GLI2: variants seen among roughly 807,000 people sequenced by gnomAD.
The protein encoded by GLI2 is transcription activator GLI2.
Under a neutral mutation model 78.9 loss-of-function variants are expected in GLI2, and 22 were observed. The ratio of observed to expected loss-of-function variants is 0.28; its 90% CI spans 0.20 to 0.40. The LOEUF (loss-of-function observed/expected upper bound fraction) is 0.40. GLI2 is among the 10% of genes least tolerant of loss of function. The pLI is 1.00. For missense variants in GLI2, 2,097 were observed against 2,213.2 expected (o/e 0.95, Z 1.05); for synonymous variants, 974 against 963.7 (o/e 1.01, Z -0.20).
chr2:120,988,295 G>A lies in GLI2; in HGVS notation c.2330G>A (p.Ser777Asn). 1.3e-6 allele frequency: 2 copies of A among 1,565,370 alleles called. No homozygotes were observed. Among genetic ancestry groups the A allele is most frequent in the Non-Finnish European group, 1.7e-6 (2 of 1,160,952 alleles). The change falls in exon 14 of 14, where the codon AGC (serine) becomes AAC (asparagine). Residue 777 changes from serine (S) to asparagine (N), a missense_variant. Coordinates refer to ENST00000361492, the MANE Select transcript of GLI2 (RefSeq NM_001374353.1). ...CCGCGGCTGTCGGAGCTGTCCGCGA[G>A]CGAGGTGACCATGCTGAGCCAGCTG... ...PNPRLSELSASEVTMLSQLQE... is the reference protein window; with the variant it reads ...PNPRLSELSANEVTMLSQLQE...
chr2:120,788,581 G>A (rs1199507133), intron 1 of GLI2, among the ~76,000 whole-genome samples: 3 of 152,240 alleles, frequency 2.0e-5, no homozygotes, highest in African/African-American at 7.2e-5. Context: ...CCCTGGAGGG[G>A]CCTGCATTTC....
rs547815590 is a variant in GLI2, at chr2:120,978,776, A to G, written c.1467+193A>G. On this transcript the variant is annotated intron_variant, in intron 10 of 13. Transcript: ENST00000361492. ...GAGGCCCCTCGCCTCGTGCCGTCCC[A>G]GACCTTGATGGACTTGCTCTCTGGG... Among the ~76,000 whole-genome samples, 427 of 152,256 alleles carry G rather than the reference A, an allele frequency of 2.8e-3. 2 individuals are homozygous for G. The highest frequency in any genetic ancestry group is 5.3e-3 in the Non-Finnish European group (359 of 68,004).
intron 2 of GLI2, among the ~76,000 whole-genome samples, chr2:120,840,724 G>T (rs1429734140): frequency 2.0e-5 from 3 of 152,218 alleles, no homozygotes; most frequent in Admixed American, 6.5e-5. Flanking sequence ...CAAGCATCTT[G>T]GTGTGTCCCT....
intron 2 of GLI2, among the ~76,000 whole-genome samples, chr2:120,818,216 C>T (rs569088546): frequency 6.6e-6 from 1 of 152,358 alleles, no homozygotes; most frequent in East Asian, 1.9e-4. Flanking sequence ...AGTGCCTCTT[C>T]CAAGCCTGCA....
intron 2 of GLI2, among the ~76,000 whole-genome samples, chr2:120,899,558 C>G (rs1327871305): frequency 1.3e-5 from 2 of 152,122 alleles, no homozygotes; most frequent in African/African-American, 4.8e-5. Context: ...TTGTCTGGGT[C>G]GAAAAGGTCT....
rs961397275 is a variant in GLI2, at chr2:120,946,201, C to T, written c.255-5042C>T. On this transcript the variant is annotated intron_variant, in intron 3 of 13. Coordinates refer to ENST00000361492, the MANE Select transcript of GLI2 (RefSeq NM_001374353.1). ...TAATTACCTGATTTCATGGGTCTGC[C>T]TCTTTCCCCCTGGGCTCTGAGCTGC... Among the ~76,000 whole-genome samples the T allele has an allele frequency of 1.1e-4, 16 of 152,316 alleles. No homozygotes were observed. In the East Asian group the frequency reaches 1.7e-3, roughly 17 times the overall value.
At chr2:120,968,569 C>T (rs902532642) in intron 5 of GLI2, 145 bp from the exon 6 acceptor site, 46 of 709,982 alleles carry the variant, frequency 6.5e-5, no homozygotes, top group South Asian at 4.4e-4. Context: ...TGACATCCTT[C>T]GCCCAAGAGC....
chr2:120,844,454 G>A (rs931220349), intron 2 of GLI2, among the ~76,000 whole-genome samples: 4 of 152,188 alleles, frequency 2.6e-5, no homozygotes, highest in South Asian at 2.1e-4. Flanking sequence ...GGTGGGGCTT[G>A]GAGGGTCTCC....
At chr2:120,964,994 T>A (rs1573689939) in intron 5 of GLI2, among the ~76,000 whole-genome samples, 1 of 152,388 alleles carries the variant, frequency 6.6e-6, no homozygotes, top group Non-Finnish European at 1.5e-5. Context: ...TCTGGTTTGC[T>A]TGGAGGATGG....
At chr2:120,939,340 A>G (rs973083504) in intron 3 of GLI2, among the ~76,000 whole-genome samples, 1 of 151,924 alleles carries the variant, frequency 6.6e-6, no homozygotes, top group African/African-American at 2.4e-5. Context: ...TGACATATAC[A>G]CCCTTATCCC....
intron 9 of GLI2, 49 bp from the exon 10 acceptor site, chr2:120,978,385 G>A (rs774326851): frequency 2.5e-6 from 4 of 1,609,660 alleles, no homozygotes; most frequent in East Asian, 2.2e-5. Flanking sequence ...GGGGTGGTCT[G>A]TGGGCCTCTG....
At chr2:120,839,498 T>G (rs1271362650) in intron 2 of GLI2, among the ~76,000 whole-genome samples, 1 of 152,184 alleles carries the variant, frequency 6.6e-6, no homozygotes, top group Non-Finnish European at 1.5e-5. Flanking sequence ...ATATCCCCTT[T>G]TTCATTCTCT....
chr2:120,975,162 C>A, intron 9 of GLI2, 53 bp downstream of exon 9: 2 of 1,583,712 alleles, frequency 1.3e-6, no homozygotes, highest in African/African-American at 1.3e-5. Context: ...CCAGGCCATG[C>A]AGGATGCTGA....
intron 2 of GLI2, among the ~76,000 whole-genome samples, chr2:120,880,238 G>A (rs528281661): frequency 3.9e-5 from 6 of 152,306 alleles, no homozygotes; most frequent in South Asian, 2.1e-4. Context: ...AGAGCCCGTC[G>A]TCCAGATGCT....
At chr2:120,797,267 G>T in intron 1 of GLI2, 24 bp from the exon 2 acceptor site, 1 of 1,595,834 alleles carries the variant, frequency 6.3e-7, no homozygotes, top group South Asian at 1.1e-5. Flanking sequence ...CAGTGTTGGT[G>T]AGTGTCTTTG....
At chr2:120,892,956 G>C (rs1300742137) in intron 2 of GLI2, among the ~76,000 whole-genome samples, 1 of 152,204 alleles carries the variant, frequency 6.6e-6, no homozygotes, top group Non-Finnish European at 1.5e-5. Context: ...CCACTTTTCT[G>C]ATAGATGCTG....
intron 2 of GLI2, among the ~76,000 whole-genome samples, chr2:120,863,882 GC>G (rs1170052874): frequency 6.6e-6 from 1 of 152,184 alleles, no homozygotes; most frequent in Non-Finnish European, 1.5e-5. Flanking sequence ...AGTTGATGGG[GC>G]TGAGGCGTCA....
intron 2 of GLI2, among the ~76,000 whole-genome samples, chr2:120,822,399 G>T (rs1044830566): frequency 2.6e-5 from 4 of 152,204 alleles, no homozygotes; most frequent in African/African-American, 9.6e-5. Context: ...GGGCCCTAAG[G>T]CTCCAGAACC....
At chr2:120,961,582 C>G (rs1347925287) in intron 5 of GLI2, among the ~76,000 whole-genome samples, 1 of 152,184 alleles carries the variant, frequency 6.6e-6, no homozygotes, top group African/African-American at 2.4e-5. Context: ...GGCCGTGGTC[C>G]TGGCAACTCT....
Sources: allele counts gnomAD v4.1 joint callset (sites outside exome capture counted in the v4.1 genomes callset), GRCh38; gene constraint gnomAD v4.1.1; transcripts MANE v1.5; gene names NCBI Gene and HGNC (gene_info 2026-07-23, HGNC 2026-07-21).